The following PRDM6 variants were observed in gnomAD, a reference collection of about 807,000 sequenced individuals.
PRDM6 encodes the protein putative histone-lysine N-methyltransferase PRDM6.
PRDM6 carries 25 observed loss-of-function variants against 60.8 expected under a neutral mutation model. That is an observed-to-expected ratio of 0.41 (90% CI 0.30 to 0.57). The LOEUF (loss-of-function observed/expected upper bound fraction) is 0.57. PRDM6 is among the 20% of genes least tolerant of loss of function. The pLI is 0.27. For missense variants in PRDM6, 839 were observed against 821.3 expected (o/e 1.02, Z -0.26); for synonymous variants, 407 against 357.4 (o/e 1.14, Z -1.57).
chr5:123,142,183 A>G (rs1029734425), intron 3 of PRDM6, among the ~76,000 whole-genome samples: 3 of 152,020 alleles, frequency 2.0e-5, no homozygotes, highest in Non-Finnish European at 2.9e-5. Flanking sequence ...TTGCATTTTG[A>G]CTCTTATCCT....
chr5:123,130,340 T>G (rs1429785554), intron 3 of PRDM6, among the ~76,000 whole-genome samples: 3 of 120,194 alleles, frequency 2.5e-5, no homozygotes, highest in African/African-American at 9.5e-5. Flanking sequence ...CTCCTTCCCT[T>G]TTTCTCTCCC....
chr5:123,134,485 T>C (rs1764906534), intron 3 of PRDM6, among the ~76,000 whole-genome samples: 1 of 152,134 alleles, frequency 6.6e-6, no homozygotes, highest in Admixed American at 6.6e-5. Flanking sequence ...TGAATTGATA[T>C]AAGAAGATAG....
intron 7 of PRDM6, among the ~76,000 whole-genome samples, chr5:123,184,127 A>G (rs935474467): frequency 2.6e-5 from 4 of 152,210 alleles, no homozygotes; most frequent in Admixed American, 2.6e-4. Flanking sequence ...CATTGAACAC[A>G]TCATACATAC....
intron 3 of PRDM6, among the ~76,000 whole-genome samples, chr5:123,129,973 C>T (rs930510480): frequency 1.3e-5 from 2 of 150,978 alleles, no homozygotes; most frequent in African/African-American, 4.9e-5. Context: ...CCTCCCTTCC[C>T]CTTCCCCTTT....
chr5:123,107,283 G>C (rs953879166), intron 3 of PRDM6, among the ~76,000 whole-genome samples: 1 of 152,136 alleles, frequency 6.6e-6, no homozygotes, highest in African/African-American at 2.4e-5. Context: ...ATTTATTTTT[G>C]TTGGTATTTA....
At chr5:123,103,485 G>T (rs1039901715) in intron 3 of PRDM6, among the ~76,000 whole-genome samples, 6 of 151,944 alleles carry the variant, frequency 3.9e-5, no homozygotes, top group Admixed American at 2.6e-4. Flanking sequence ...CTTTCTCAAT[G>T]TTTTCCAAAG....
intron 3 of PRDM6, among the ~76,000 whole-genome samples, chr5:123,104,604 T>C (rs1256146862): frequency 6.6e-6 from 1 of 152,202 alleles, no homozygotes; most frequent in Non-Finnish European, 1.5e-5. Context: ...ATAGTCTGCC[T>C]GTCAGTTTGG....
chr5:123,101,923 A>G (rs998586937), intron 3 of PRDM6, among the ~76,000 whole-genome samples: 9 of 152,162 alleles, frequency 5.9e-5, no homozygotes, highest in Non-Finnish European at 1.3e-4. Context: ...CTTTTTCTTG[A>G]TACTTCAGTA....
rs1049925279 is a variant in PRDM6 at position 123,090,318 on chromosome 5, G to T, written c.304G>T (p.Ala102Ser). ...SASSCAAAAA[A>S]AALAGLSALP... ...CTCCTCCTGCGCTGCTGCGGCCGCT[G>T]CCGCCGCGCTGGCTGGTCTCTCGGC... The change falls in exon 2 of 8, where the codon GCC (alanine) becomes TCC (serine). Residue 102 changes from alanine to serine, a missense_variant. By Grantham distance (99) the Ala-to-Ser change is moderately conservative (BLOSUM62 1). Transcript: ENST00000407847. The T allele has an allele frequency of 7.5e-6, 11 of 1,475,508 alleles. No homozygotes were observed. In the African/African-American group the frequency reaches 1.6e-4, roughly 22 times the overall value. The allele number at this position is 1,475,508 out of a possible 1,614,324, so 91.4% of individuals were successfully genotyped here.
chr5:123,162,034 C>T (rs141957837), intron 5 of PRDM6, among the ~76,000 whole-genome samples: 153 of 152,312 alleles, frequency 1.0e-3, no homozygotes, highest in African/African-American at 3.3e-3. Flanking sequence ...TTTTCTGACA[C>T]ATTAGATGCT....
chr5:123,156,350 A>G (rs1765500666), intron 4 of PRDM6, among the ~76,000 whole-genome samples: 1 of 152,172 alleles, frequency 6.6e-6, no homozygotes, highest in African/African-American at 2.4e-5. Flanking sequence ...CTTCACACAG[A>G]TAAGTAGAAG....
In PRDM6 at chr5:123,187,943, C is replaced by A. The variant is rs757695557; in HGVS notation, c.*742C>A. 5 of 151,236 alleles carry A rather than the reference C, an allele frequency of 3.3e-5. No individual in the cohort carries two copies. Among genetic ancestry groups the A allele is most frequent in the Non-Finnish European group, 7.4e-5 (5 of 67,958 alleles). The allele number at this position is 151,236 out of a possible 1,614,324, so 9.4% of individuals were successfully genotyped here. A position where few individuals can be genotyped will look rare whatever the true frequency, so the allele number is the denominator to read the frequency against. ...GTAAAATGTACGGAGCTTCATAATA[C>A]GTTATATTGTTCCGAAGCAGCTCGT... On this transcript the variant is annotated 3_prime_UTR_variant, in exon 8 of 8. Coordinates refer to ENST00000407847, the MANE Select transcript of PRDM6 (RefSeq NM_001136239.4).
Position 123,170,971 on chromosome 5 carries a change from C to T in PRDM6, c.1359C>T (p.Val453=). Residue 453 remains valine (V), a synonymous_variant, in exon 6 of 8, where the codon GTC becomes GTT. Coordinates refer to ENST00000407847, the MANE Select transcript of PRDM6 (RefSeq NM_001136239.4). Reference sequence around the variant, plus strand: ...AAATCAACGTGAAAAACCAGCGAGTCCTGGCAAGCCCAACTTCCACAAGCC... The same window carrying T: ...AAATCAACGTGAAAAACCAGCGAGTTCTGGCAAGCCCAACTTCCACAAGCC... ...FNQINVKNQR[V]LASPTSTSQL... 6.4e-7 allele frequency: 1 copy of T among 1,551,806 alleles called. No homozygotes were observed. The highest frequency in any genetic ancestry group is 8.7e-7 in the Non-Finnish European group (1 of 1,147,022).
At position 123,142,724 on chromosome 5, in the gene PRDM6, C is replaced by G. The variant is rs536581130; in HGVS notation, c.901-13160C>G. 2.4e-4 allele frequency among the ~76,000 whole-genome samples: 36 copies of G among 151,840 alleles called. No homozygotes were observed. The South Asian group carries it at 7.5e-3, about 32-fold the overall frequency. Reference sequence around the variant, plus strand: ...CTGGCCCACACACATGATTTCTAACCTAAAAATATCTGTCTTATGAAATAA... The same window carrying G: ...CTGGCCCACACACATGATTTCTAACGTAAAAATATCTGTCTTATGAAATAA... On this transcript the variant is annotated intron_variant, in intron 3 of 7. Transcript: ENST00000407847.
At chr5:123,092,908 A>G (rs974065989) in intron 2 of PRDM6, among the ~76,000 whole-genome samples, 6 of 152,220 alleles carry the variant, frequency 3.9e-5, no homozygotes, top group Non-Finnish European at 8.8e-5. Context: ...GATTGAGTTT[A>G]ATCTAAGTAG....
At chr5:123,101,662 A>G (rs373967089) in intron 3 of PRDM6, among the ~76,000 whole-genome samples, 3 of 152,194 alleles carry the variant, frequency 2.0e-5, no homozygotes, top group Non-Finnish European at 2.9e-5. Context: ...TTTGATGCCT[A>G]TCTATTTTTA....
rs1482152338 is a variant in PRDM6 at position 123,193,145 on chromosome 5, T to C, written c.*5944T>C. On this transcript the variant is annotated 3_prime_UTR_variant, in exon 8 of 8. Transcript: ENST00000407847. ...TCTGATTCTAATGGGCACATTTGTT[T>C]GTTGAAATGATAAATATATTTTCCT... The C allele has an allele frequency of 1.3e-5, 2 of 152,222 alleles. No homozygotes were observed. The allele number at this position is 152,222 out of a possible 1,614,324, so 9.4% of individuals were successfully genotyped here.
At position 123,190,549 on chromosome 5, in the gene PRDM6, G is replaced by T. The variant is rs746622164; in HGVS notation, c.*3348G>T. ...ATTCAGTTGGTACATTTTTTATTGT[G>T]TTCATTTAAATGTAGCCTTCTTGGG... On this transcript the variant is annotated 3_prime_UTR_variant, in exon 8 of 8. Transcript: ENST00000407847. 6.6e-6 allele frequency: 1 copy of T among 151,946 alleles called. No individual in the cohort carries two copies. The highest frequency in any genetic ancestry group is 1.5e-5 in the Non-Finnish European group (1 of 67,990). The allele number at this position is 151,946 out of a possible 1,614,324, so 9.4% of individuals were successfully genotyped here.
At chr5:123,131,360 A>G (rs1490187940) in intron 3 of PRDM6, among the ~76,000 whole-genome samples, 1 of 152,194 alleles carries the variant, frequency 6.6e-6, no homozygotes, top group Non-Finnish European at 1.5e-5. Context: ...AGAAATAATA[A>G]ATATTTGAGG....
Sources: gnomAD v4.1 joint callset for allele counts (sites outside exome capture counted in the v4.1 genomes callset) on GRCh38, gnomAD v4.1.1 for gene constraint, MANE v1.5 for transcripts, NCBI Gene and HGNC (gene_info 2026-07-23, HGNC 2026-07-21) for gene names.